The following APCDD1 variants were observed in gnomAD, a reference collection of about 807,000 sequenced individuals.
APCDD1 encodes protein APCDD1.
Under a neutral mutation model 38.1 loss-of-function variants are expected in APCDD1, and 15 were observed. That is an observed-to-expected ratio of 0.39 (90% CI 0.26 to 0.61). The LOEUF is 0.61. Ranked by LOEUF, APCDD1 falls within the 20% of genes least tolerant of loss-of-function variation. The pLI, the probability that APCDD1 is intolerant of heterozygous loss-of-function variation, is 0.49. For missense variants in APCDD1, 647 were observed against 696.2 expected (o/e 0.93, Z 0.79); for synonymous variants, 261 against 279.7 (o/e 0.93, Z 0.67).
chr18:10,466,188 C>CTG (rs548794479), intron 1 of APCDD1, among the ~76,000 whole-genome samples: 51 of 152,194 alleles, frequency 3.4e-4, no homozygotes, highest in Non-Finnish European at 5.0e-4. Flanking sequence ...GCAAGTTATA[C>CTG]TGGTTTCATT....
chr18:10,456,490 G>A (rs1462498150), intron 1 of APCDD1, among the ~76,000 whole-genome samples: 1 of 152,094 alleles, frequency 6.6e-6, no homozygotes, highest in Non-Finnish European at 1.5e-5. Flanking sequence ...TAATATCTGT[G>A]AAGAAAAAAG....
chr18:10,455,483 A>G (rs1372756320), intron 1 of APCDD1, among the ~76,000 whole-genome samples: 1 of 152,240 alleles, frequency 6.6e-6, no homozygotes, highest in African/African-American at 2.4e-5. Flanking sequence ...GAGAGTGGAA[A>G]GAGAAACTGA....
intron 3 of APCDD1, among the ~76,000 whole-genome samples, chr18:10,473,116 A>G (rs1054638167): frequency 1.3e-5 from 2 of 152,212 alleles, no homozygotes; most frequent in Non-Finnish European, 2.9e-5. Context: ...ATTTTTTAAA[A>G]ATCTTTTTTC....
intron 1 of APCDD1, among the ~76,000 whole-genome samples, chr18:10,455,310 A>C (rs115030412): frequency 0.012 from 1,802 of 152,340 alleles, 33 homozygotes; most frequent in African/African-American, 0.041. Flanking sequence ...TCTCCCACGC[A>C]GACACCTTTT....
rs1328527446 is a variant in APCDD1 at position 10,470,560 on chromosome 18, G to T, written c.243-970G>T. 6.6e-6 allele frequency among the ~76,000 whole-genome samples: 1 copy of T among 152,136 alleles called. No individual in the cohort carries two copies. The highest frequency in any genetic ancestry group is 6.5e-5 in the Admixed American group (1 of 15,270). On this transcript the variant is annotated intron_variant, in intron 2 of 4. Coordinates refer to ENST00000355285, the MANE Select transcript of APCDD1 (RefSeq NM_153000.5). The surrounding 1 kb of genome is among the most constrained non-coding windows in gnomAD (Gnocchi z 4.1). ...TGACTGCTTGATTTAGCAGCGCTTC[G>T]TCAGTTCAAACCAGAATCTGTGTTA...
At chr18:10,466,434 C>A (rs1382446607) in intron 1 of APCDD1, among the ~76,000 whole-genome samples, 5 of 152,086 alleles carry the variant, frequency 3.3e-5, no homozygotes, top group African/African-American at 1.2e-4. Flanking sequence ...GCTCATAGTT[C>A]CCCCCGAATG....
In APCDD1 at chr18:10,469,795, G is replaced by A. The variant is rs1373352948; in HGVS notation, c.242+1143G>A. ...GAGCTTTGTATTTAAAGAACCAGATGCCAGGCTAGATGCAGAGTGAGCAAG... is the reference window on the plus strand; with the variant it reads ...GAGCTTTGTATTTAAAGAACCAGATACCAGGCTAGATGCAGAGTGAGCAAG... On this transcript the variant is annotated intron_variant, in intron 2 of 4. Coordinates refer to ENST00000355285, the MANE Select transcript of APCDD1 (RefSeq NM_153000.5). The surrounding 1 kb of genome is among the most constrained non-coding windows in gnomAD (Gnocchi z 5.5). Among the ~76,000 whole-genome samples the A allele has an allele frequency of 1.3e-5, 2 of 152,160 alleles. No homozygotes were observed. The highest frequency in any genetic ancestry group is 2.1e-4 in the South Asian group (1 of 4,822).
rs1260891935 is a variant in APCDD1, at chr18:10,472,912, C to A, written c.774+851C>A. On this transcript the variant is annotated intron_variant, in intron 3 of 4. Transcript: ENST00000355285. The surrounding 1 kb of genome is among the most constrained non-coding windows in gnomAD (Gnocchi z 6.6). Reference sequence around the variant, plus strand: ...ATCTCCCCGCAGAGCCTGTGAAGTCCCAGGCAGGAGGGGAGTGGGCTTCTG... The same window carrying A: ...ATCTCCCCGCAGAGCCTGTGAAGTCACAGGCAGGAGGGGAGTGGGCTTCTG... Among the ~76,000 whole-genome samples the A allele has an allele frequency of 6.6e-6, 1 of 152,150 alleles. No individual in the cohort carries two copies. The highest frequency in any genetic ancestry group is 1.5e-5 in the Non-Finnish European group (1 of 68,024).
At chr18:10,457,794 A>G (rs1352742064) in intron 1 of APCDD1, among the ~76,000 whole-genome samples, 1 of 152,218 alleles carries the variant, frequency 6.6e-6, no homozygotes, top group Non-Finnish European at 1.5e-5. Flanking sequence ...ATTGCAACTT[A>G]TAAATCACCC....
rs2031275744 is a variant in APCDD1, at chr18:10,487,612, C to G, written c.1119C>G (p.Pro373=). The change falls in exon 5 of 5, where the codon CCC becomes CCG. Residue 373 remains proline, a synonymous_variant. Coordinates refer to ENST00000355285, the MANE Select transcript of APCDD1 (RefSeq NM_153000.5). The part of the protein sequence containing the change: ...VFKVNHMKVT[P]MDAATASLLN... Reference sequence around the variant, plus strand: ...CAGTGAATCACATGAAGGTCACCCCCATGGATGCGGCCACAGCCTCACTGC... The same window carrying G: ...CAGTGAATCACATGAAGGTCACCCCGATGGATGCGGCCACAGCCTCACTGC... The G allele has an allele frequency of 1.2e-6, 2 of 1,614,016 alleles. No individual in the cohort carries two copies. The highest frequency in any genetic ancestry group is 1.7e-6 in the Non-Finnish European group (2 of 1,180,052).
chr18:10,460,235 G>A (rs773455769), intron 1 of APCDD1, among the ~76,000 whole-genome samples: 4 of 152,220 alleles, frequency 2.6e-5, no homozygotes, highest in African/African-American at 2.4e-5. Flanking sequence ...CTTTGTTGAG[G>A]ACGGGCACGG....
At chr18:10,459,981 A>G (rs1194237226) in intron 1 of APCDD1, among the ~76,000 whole-genome samples, 1 of 152,240 alleles carries the variant, frequency 6.6e-6, no homozygotes, top group African/African-American at 2.4e-5. Context: ...ATATTTTGAC[A>G]TTATACTTAG....
intron 1 of APCDD1, among the ~76,000 whole-genome samples, chr18:10,455,573 C>T (rs1395931097): frequency 1.3e-5 from 2 of 152,162 alleles, no homozygotes; most frequent in Non-Finnish European, 2.9e-5. Context: ...GCGATTGAGG[C>T]GGGGTTGTGG....
rs1412551522 is a variant in APCDD1 at position 10,476,489 on chromosome 18, C to T, written c.774+4428C>T. ...GTTTAGCGTCAGAGCAGCCATAATC[C>T]TCTGCCGAGATTCTTCAGAACTATG... On this transcript the variant is annotated intron_variant, in intron 3 of 4. Coordinates refer to ENST00000355285, the MANE Select transcript of APCDD1 (RefSeq NM_153000.5). This position sits in a 1 kb window ranked among gnomAD's most constrained non-coding sequence, Gnocchi z 5.8. 1.3e-5 allele frequency: 2 copies of T among 152,228 alleles called. No individual in the cohort carries two copies. Among genetic ancestry groups the T allele is most frequent in the South Asian group, 4.1e-4 (2 of 4,832 alleles). 9.4% of individuals were successfully genotyped at this position (152,228 alleles called of 1,614,324 possible). A position where few individuals can be genotyped will look rare whatever the true frequency, so the allele number is the denominator to read the frequency against.
chr18:10,469,932 G>T lies in APCDD1; in HGVS notation c.242+1280G>T, dbSNP rs940048116. 6.6e-5 allele frequency among the ~76,000 whole-genome samples: 10 copies of T among 152,164 alleles called. No individual in the cohort carries two copies. The highest frequency in any genetic ancestry group is 2.4e-4 in the African/African-American group (10 of 41,430). On this transcript the variant is annotated intron_variant, in intron 2 of 4. Coordinates refer to ENST00000355285, the MANE Select transcript of APCDD1 (RefSeq NM_153000.5). This position sits in a 1 kb window ranked among gnomAD's most constrained non-coding sequence, Gnocchi z 5.5. Reference sequence around the variant, plus strand: ...CTGGGGAGGGTAGGCCAGCTCTAAGGCATCTTGCAGACCAGATCTTCTAAC... The same window carrying T: ...CTGGGGAGGGTAGGCCAGCTCTAAGTCATCTTGCAGACCAGATCTTCTAAC...
intron 1 of APCDD1, among the ~76,000 whole-genome samples, chr18:10,463,979 G>A (rs1287374069): frequency 1.3e-5 from 2 of 152,194 alleles, no homozygotes; most frequent in African/African-American, 2.4e-5. Context: ...CTGGGTTTCC[G>A]AGCTGTGCTC....
chr18:10,463,643 A>G (rs1447922019), intron 1 of APCDD1, among the ~76,000 whole-genome samples: 1 of 152,184 alleles, frequency 6.6e-6, no homozygotes, highest in East Asian at 1.9e-4. Context: ...AGTCATCCAC[A>G]TTTGCCACAT....
At chr18:10,479,323 C>CA (rs1391099440) in intron 3 of APCDD1, among the ~76,000 whole-genome samples, 1 of 152,186 alleles carries the variant, frequency 6.6e-6, no homozygotes, top group Non-Finnish European at 1.5e-5. Context: ...ACTTTTAGCT[C>CA]AAGGAACACT....
In APCDD1 at chr18:10,472,005, A is replaced by G. The variant is rs1036419184; in HGVS notation, c.718A>G (p.Thr240Ala). The change falls in exon 3 of 5, where the codon ACC becomes GCC. Residue 240 changes from threonine to alanine, a missense_variant. Transcript: ENST00000355285. The surrounding 1 kb of genome is among the most constrained non-coding windows in gnomAD (Gnocchi z 6.6). ...LFLGDIHTDA[T>A]QRMFYRPSSY... ...CCTTGGTGACATTCACACTGATGCC[A>G]CCCAGAGGATGTTCTACCGGCCCTC... 13 of 1,613,772 alleles carry G rather than the reference A, an allele frequency of 8.1e-6. No individual in the cohort carries two copies. The African/African-American group carries it at 1.7e-4, about 22-fold the overall frequency.
Sources: gnomAD v4.1 joint callset for allele counts (sites outside exome capture counted in the v4.1 genomes callset) on GRCh38, gnomAD v4.1.1 for gene constraint, Gnocchi (gnomAD v3.1) non-coding constraint, MANE v1.5 for transcripts, NCBI Gene and HGNC (gene_info 2026-07-23, HGNC 2026-07-21) for gene names.